OR9Q1: variants seen among roughly 807,000 people sequenced by gnomAD.
OR9Q1 encodes the protein olfactory receptor 9Q1.
For synonymous variants in OR9Q1, 153 were observed against 148.6 expected (o/e 1.03, Z -0.22); for missense variants, 374 against 378.8 (o/e 0.99, Z 0.11).
At chr11:58,114,414 G>T (rs533126475) in intron 2 of OR9Q1, among the ~76,000 whole-genome samples, 1 of 152,274 alleles carries the variant, frequency 6.6e-6, no homozygotes, top group Non-Finnish European at 1.5e-5. Context: ...CCTTAGTGGG[G>T]GTTGTGTGAG....
At chr11:58,179,002 GAA>G (rs1163779021) in intron 2 of OR9Q1, among the ~76,000 whole-genome samples, 1 of 127,190 alleles carries the variant, frequency 7.9e-6, no homozygotes, top group Non-Finnish European at 1.6e-5. Context: ...GAGAGAGAGA[GAA>G]AGAAAGAAAG....
intron 2 of OR9Q1, among the ~76,000 whole-genome samples, chr11:58,130,840 G>C (rs912230053): frequency 6.6e-6 from 1 of 150,756 alleles, no homozygotes; most frequent in African/African-American, 2.4e-5. Context: ...CCATTGTTCT[G>C]TTTCTAGGAA....
chr11:58,088,888 G>A (rs560341298), intron 2 of OR9Q1, among the ~76,000 whole-genome samples: 117 of 149,050 alleles, frequency 7.8e-4, no homozygotes, highest in Non-Finnish European at 1.4e-3. Context: ...CTTTTTTTTT[G>A]TTTTTGAGAC....
chr11:58,136,061 T>C lies in OR9Q1; in HGVS notation c.-14-43370T>C, dbSNP rs1198424293. 2.6e-5 allele frequency among the ~76,000 whole-genome samples: 4 copies of C among 152,106 alleles called. No individual in the cohort carries two copies. In the South Asian group the frequency reaches 8.3e-4, roughly 32 times the overall value. The stretch of plus-strand genomic sequence containing the variant: ...ATCCCATTAGTTTTCTGAGGTGTAG[T>C]AGAGATTTTGGGGAGCATTAATAAT... On this transcript the variant is annotated intron_variant, in intron 2 of 2. Transcript: ENST00000335397.
At chr11:58,042,955 A>AT (rs1194733939) in intron 1 of OR9Q1, among the ~76,000 whole-genome samples, 1 of 152,034 alleles carries the variant, frequency 6.6e-6, no homozygotes, top group East Asian at 1.9e-4. Flanking sequence ...TTTGTCTGTT[A>AT]TTGGTGTGTG....
In OR9Q1 at chr11:58,180,224, A is replaced by T; in HGVS notation, c.780A>T (p.Arg260Ser). Residue 260 changes from arginine (R) to serine (S), a missense_variant, in exon 3 of 3, where the codon AGA (arginine) becomes AGT (serine). Physicochemically the swap from Arg to Ser is moderately radical, Grantham distance 110. Coordinates refer to ENST00000335397, the MANE Select transcript of OR9Q1 (RefSeq NM_001005212.4). Reference sequence around the variant, plus strand: ...GTACCCTCATCTTCATGTACTTGAGAGGTAACTCAGATCAGTCTTCGGAGA... The same window carrying T: ...GTACCCTCATCTTCATGTACTTGAGTGGTAACTCAGATCAGTCTTCGGAGA... ...FFGTLIFMYL[R>S]GNSDQSSEKN... 6.2e-7 allele frequency: 1 copy of T among 1,614,116 alleles called. No homozygotes were observed. Among genetic ancestry groups the T allele is most frequent in the Non-Finnish European group, 8.5e-7 (1 of 1,180,014 alleles).
chr11:58,154,140 T>G (rs1590618830), intron 2 of OR9Q1, among the ~76,000 whole-genome samples: 84 of 128,750 alleles, frequency 6.5e-4, no homozygotes, highest in African/African-American at 9.7e-4. Context: ...AGGAGGAAGT[T>G]GAGAAGGAGG....
chr11:58,123,885 C>T (rs978046489), intron 2 of OR9Q1, among the ~76,000 whole-genome samples: 1 of 152,100 alleles, frequency 6.6e-6, no homozygotes, highest in African/African-American at 2.4e-5. Context: ...GTTTTTTCTT[C>T]TTTTTCTTTC....
intron 2 of OR9Q1, among the ~76,000 whole-genome samples, chr11:58,133,195 A>G (rs1854159743): frequency 6.6e-6 from 1 of 152,190 alleles, no homozygotes; most frequent in Non-Finnish European, 1.5e-5. Flanking sequence ...AGTTTCCTCT[A>G]ACATAAAATG....
intron 1 of OR9Q1, among the ~76,000 whole-genome samples, chr11:58,048,696 T>TATATATATATATATATATA (rs35079058): frequency 7.1e-5 from 9 of 127,648 alleles, no homozygotes; most frequent in African/African-American, 2.5e-4. Flanking sequence ...ATATATATAT[T>TATATATATATATATATATA]TTTTAGCAAG....
chr11:58,053,661 A>ATT (rs1254851190), intron 1 of OR9Q1, among the ~76,000 whole-genome samples: 4 of 22,928 alleles, frequency 1.7e-4, no homozygotes, highest in Non-Finnish European at 4.5e-4. Context: ...ATATATATAA[A>ATT]ATATATATAT....
intron 2 of OR9Q1, among the ~76,000 whole-genome samples, chr11:58,102,210 T>C (rs566653373): frequency 6.6e-6 from 1 of 152,170 alleles, no homozygotes; most frequent in African/African-American, 2.4e-5. Flanking sequence ...AGGACTTCTG[T>C]CATTTTGTCA....
intron 2 of OR9Q1, among the ~76,000 whole-genome samples, chr11:58,136,555 CT>C (rs1854190913): frequency 6.6e-6 from 1 of 152,138 alleles, no homozygotes; most frequent in African/African-American, 2.4e-5. Context: ...ATCTTAATCA[CT>C]AGGAAATTGA....
intron 2 of OR9Q1, among the ~76,000 whole-genome samples, chr11:58,160,068 G>A (rs1027097007): frequency 6.6e-6 from 1 of 152,208 alleles, no homozygotes; most frequent in East Asian, 1.9e-4. Flanking sequence ...TTTGCTTGTA[G>A]AACTCAGCCA....
intron 2 of OR9Q1, among the ~76,000 whole-genome samples, chr11:58,105,678 T>A (rs34942851): frequency 0.038 from 5,741 of 152,292 alleles, 139 homozygotes; most frequent in Non-Finnish European, 0.059. Flanking sequence ...TATTTTCCGC[T>A]TCTATAAGTT....
At chr11:58,043,101 A>C (rs1384731052) in intron 1 of OR9Q1, among the ~76,000 whole-genome samples, 2 of 152,144 alleles carry the variant, frequency 1.3e-5, no homozygotes, top group East Asian at 3.8e-4. Flanking sequence ...AATAGGGACA[A>C]TTTGATCTCT....
At chr11:58,172,540 G>A (rs1300361614) in intron 2 of OR9Q1, among the ~76,000 whole-genome samples, 1 of 151,930 alleles carries the variant, frequency 6.6e-6, no homozygotes, top group African/African-American at 2.4e-5. Context: ...TATTATTATT[G>A]CCAATTTGTA....
intron 2 of OR9Q1, among the ~76,000 whole-genome samples, chr11:58,139,929 A>G (rs1404594607): frequency 1.3e-5 from 2 of 150,806 alleles, no homozygotes; most frequent in Non-Finnish European, 3.0e-5. Flanking sequence ...ATTTCTCCAC[A>G]TCCTCTCCAG....
chr11:58,080,409 T>G (rs1374298991), intron 2 of OR9Q1, among the ~76,000 whole-genome samples: 1 of 152,176 alleles, frequency 6.6e-6, no homozygotes, highest in African/African-American at 2.4e-5. Context: ...GCACCCACAT[T>G]GATTTCCTGT....
Sources: gnomAD v4.1 joint callset for allele counts (sites outside exome capture counted in the v4.1 genomes callset) on GRCh38, gnomAD v4.1.1 for gene constraint, MANE v1.5 for transcripts, NCBI Gene and HGNC (gene_info 2026-07-23, HGNC 2026-07-21) for gene names.